Variants in SBF2 observed in about 807,000 individuals in gnomAD.
SBF2 encodes SET binding factor 2, also known as myotubularin-related protein 13.
Under a neutral mutation model 225.2 loss-of-function variants are expected in SBF2, and 112 were observed. That is an observed-to-expected ratio of 0.50 (90% confidence interval 0.43 to 0.58). The LOEUF is 0.58. SBF2 is among the 20% of genes least tolerant of loss of function. The pLI is 0.00. For missense variants in SBF2, 1,996 were observed against 2,206.2 expected, an observed-to-expected ratio of 0.90 and a Z score of 1.91; for synonymous variants, 763 against 773.3, an observed-to-expected ratio of 0.99 and a Z score of 0.22.
chr11:10,130,257 G>A (rs1330139052), intron 2 of SBF2, among the ~76,000 whole-genome samples: 2 of 151,830 alleles, frequency 1.3e-5, no homozygotes, highest in African/African-American at 4.8e-5. Flanking sequence ...AGCTACTTGG[G>A]AGGCTGAGAC....
intron 14 of SBF2, 61 bp from the exon 15 acceptor site, chr11:9,963,943 A>G: frequency 1.0e-6 from 1 of 956,426 alleles, no homozygotes; most frequent in South Asian, 1.4e-5. Context: ...TTACAAAAGC[A>G]AAGAGACTAC....
At chr11:10,243,738 G>A (rs1749635131) in intron 1 of SBF2, among the ~76,000 whole-genome samples, 1 of 152,000 alleles carries the variant, frequency 6.6e-6, no homozygotes, top group Non-Finnish European at 1.5e-5. Context: ...AATCTACCAA[G>A]GCTGAATTAA....
chr11:9,914,939 G>A (rs908916169), intron 16 of SBF2, among the ~76,000 whole-genome samples: 1 of 150,600 alleles, frequency 6.6e-6, no homozygotes, highest in Admixed American at 6.7e-5. Context: ...GGGGGCAGGT[G>A]GTATACAGAA....
intron 16 of SBF2, among the ~76,000 whole-genome samples, chr11:9,940,918 A>G (rs1865215270): frequency 6.6e-6 from 1 of 152,216 alleles, no homozygotes; most frequent in Non-Finnish European, 1.5e-5. Context: ...AATTTTAAAA[A>G]AGAAAAAAGC....
intron 17 of SBF2, among the ~76,000 whole-genome samples, chr11:9,862,732 T>TA (rs202033656): frequency 3.8e-4 from 58 of 152,190 alleles, no homozygotes; most frequent in African/African-American, 1.2e-3. Context: ...ATAATTTATT[T>TA]AAAAAAATTT....
chr11:10,251,901 C>A (rs12288716), intron 1 of SBF2, among the ~76,000 whole-genome samples: 3,278 of 152,260 alleles, frequency 0.022, 89 homozygotes, highest in African/African-American at 0.065. Context: ...GTCACTCTCT[C>A]ACCTAAGGGA....
At chr11:10,190,407 A>G (rs956295347) in intron 2 of SBF2, among the ~76,000 whole-genome samples, 5 of 152,206 alleles carry the variant, frequency 3.3e-5, no homozygotes, top group African/African-American at 1.2e-4. Context: ...AAAATATCCC[A>G]GAATTGGAAA....
intron 2 of SBF2, among the ~76,000 whole-genome samples, chr11:10,131,865 A>T (rs374857037): frequency 6.6e-6 from 1 of 152,326 alleles, no homozygotes; most frequent in East Asian, 1.9e-4. Context: ...TAATTTTAAT[A>T]CATTCCAATT....
chr11:10,136,059 G>A (rs1954336217), intron 2 of SBF2, among the ~76,000 whole-genome samples: 1 of 152,142 alleles, frequency 6.6e-6, no homozygotes, highest in Non-Finnish European at 1.5e-5. Context: ...CACAATCATG[G>A]CAGAAGGTGA....
At chr11:10,253,476 T>C (rs1048547656) in intron 1 of SBF2, among the ~76,000 whole-genome samples, 1 of 152,164 alleles carries the variant, frequency 6.6e-6, no homozygotes, top group Non-Finnish European at 1.5e-5. Flanking sequence ...ACGCTTTTCT[T>C]AATTTCTTTT....
Position 9,807,416 on chromosome 11 carries a change from A to G in SBF2, c.4443+584T>C, listed in dbSNP as rs538836497. Among the ~76,000 whole-genome samples the G allele has an allele frequency of 2.0e-5, 3 of 152,302 alleles. No homozygotes were observed. In the East Asian group the frequency reaches 5.8e-4, roughly 29 times the overall value. ...GTATTTGGTTTTCTGCTTCTGCATCAATTTGCTTAGGATAATGGCCTCCAG... is the reference window on the plus strand; with the variant it reads ...GTATTTGGTTTTCTGCTTCTGCATCGATTTGCTTAGGATAATGGCCTCCAG... On this transcript the variant is annotated intron_variant, in intron 32 of 39. Transcript: ENST00000256190.
chr11:10,096,365 C>T (rs546371990), intron 2 of SBF2, among the ~76,000 whole-genome samples: 9 of 147,632 alleles, frequency 6.1e-5, no homozygotes, highest in South Asian at 4.3e-4. Flanking sequence ...AAAATATTTT[C>T]CCTAGAAATA....
chr11:10,239,106 CGTGTGTATAT>C lies in SBF2; in HGVS notation c.56-45129_56-45120del, dbSNP rs1039255124. ...TATAATATATGTATATTAACATAAA[CGTGTGTATAT>C]GTGTGTATATGTATATCTGCATGTA... On this transcript the variant is annotated intron_variant, in intron 1 of 39. Transcript: ENST00000256190. Among the ~76,000 whole-genome samples, 37 of 150,360 alleles carry C rather than the reference CGTGTGTATAT, an allele frequency of 2.5e-4. 3 individuals are homozygous for C. The highest frequency in any genetic ancestry group is 8.8e-4 in the South Asian group (4 of 4,558).
At chr11:10,196,866 A>ATATATATATATATATATATATT in intron 1 of SBF2, among the ~76,000 whole-genome samples, 1 of 99,316 alleles carries the variant, frequency 1.0e-5, no homozygotes, top group Non-Finnish European at 2.0e-5. Flanking sequence ...ATATATATAT[A>ATATATATATATATATATATATT]TTTTTTTTTT....
intron 2 of SBF2, among the ~76,000 whole-genome samples, chr11:10,097,723 T>C (rs1181417751): frequency 1.3e-5 from 2 of 151,986 alleles, no homozygotes; most frequent in Non-Finnish European, 1.5e-5. Context: ...AATAGATGCA[T>C]TGAAAAGGGT....
chr11:10,016,515 C>A (rs934361041), intron 6 of SBF2: 1 of 152,002 alleles, frequency 6.6e-6, no homozygotes, highest in African/African-American at 2.4e-5. Flanking sequence ...GAGATGGAGT[C>A]TCGCTCTGTC....
At chr11:10,103,619 T>C (rs957849446) in intron 2 of SBF2, among the ~76,000 whole-genome samples, 3 of 152,200 alleles carry the variant, frequency 2.0e-5, no homozygotes, top group East Asian at 1.9e-4. Flanking sequence ...AAATGGTGAT[T>C]TTATAATCAG....
chr11:9,938,366 G>A (rs1363695771), intron 16 of SBF2, among the ~76,000 whole-genome samples: 1 of 151,472 alleles, frequency 6.6e-6, no homozygotes, highest in African/African-American at 2.4e-5. Context: ...ATTCCAAATG[G>A]TTTGCACTCT....
rs1218278476 is a variant in SBF2, at chr11:10,178,512, T to C, written c.141+15390A>G. Among the ~76,000 whole-genome samples, 15 of 147,962 alleles carry C rather than the reference T, an allele frequency of 1.0e-4. No individual in the cohort carries two copies. The East Asian group carries it at 2.0e-3, about 20-fold the overall frequency. ...AAATTTACAAGAAAAAAACAAACAATCCCATCAAAAAGTGGGCGAAGGACA... is the reference window on the plus strand; with the variant it reads ...AAATTTACAAGAAAAAAACAAACAACCCCATCAAAAAGTGGGCGAAGGACA... On this transcript the variant is annotated intron_variant, in intron 2 of 39. Transcript: ENST00000256190.
Sources: allele counts gnomAD v4.1 joint callset (sites outside exome capture counted in the v4.1 genomes callset), GRCh38; gene constraint gnomAD v4.1.1; transcripts MANE v1.5; gene names NCBI Gene and HGNC (gene_info 2026-07-23, HGNC 2026-07-21).